Variants in ABCA13 observed in about 807,000 individuals in gnomAD.
ABCA13 encodes the protein ATP binding cassette subfamily A member 13.
A neutral mutation model predicts 478.7 loss-of-function variants in ABCA13; 476 were observed. The ratio of observed to expected loss-of-function variants is 0.99; its 90% CI spans 0.92 to 1.07. The LOEUF (loss-of-function observed/expected upper bound fraction) is 1.07. Ranked by LOEUF, ABCA13 falls within the 50% of genes least tolerant of loss-of-function variation. The probability of loss-of-function intolerance (pLI) is 0.00; values close to 1 mark genes in which losing one functional copy is unlikely to be tolerated. For synonymous variants in ABCA13, 2,252 were observed against 2,158.9 expected (o/e 1.04, Z -1.20); for missense variants, 6,060 against 5,910.6 (o/e 1.03, Z -0.83).
intron 43 of ABCA13, among the ~76,000 whole-genome samples, chr7:48,458,789 C>G (rs1163159569): frequency 6.6e-6 from 1 of 152,192 alleles, no homozygotes; most frequent in African/African-American, 2.4e-5. Context: ...CCAAACAAAC[C>G]TGGGGCTTTG....
chr7:48,373,997 A>G (rs1813062737), intron 33 of ABCA13, among the ~76,000 whole-genome samples: 1 of 152,212 alleles, frequency 6.6e-6, no homozygotes, highest in Admixed American at 6.5e-5. Context: ...GCTCCAGGGC[A>G]TTCACTTAAT....
At chr7:48,189,028 C>A (rs993228003) in intron 1 of ABCA13, among the ~76,000 whole-genome samples, 1 of 152,114 alleles carries the variant, frequency 6.6e-6, no homozygotes, top group African/African-American at 2.4e-5. Flanking sequence ...TTGTTAACTG[C>A]TAATAGGTTT....
At chr7:48,623,198 T>TATC (rs1487189975) in intron 59 of ABCA13, among the ~76,000 whole-genome samples, 2 of 152,216 alleles carry the variant, frequency 1.3e-5, no homozygotes, top group Non-Finnish European at 2.9e-5. Context: ...AAAATTTTAA[T>TATC]ATCTTTTCCA....
chr7:48,570,696 T>C (rs1787557707), intron 55 of ABCA13, among the ~76,000 whole-genome samples: 1 of 152,062 alleles, frequency 6.6e-6, no homozygotes, highest in Non-Finnish European at 1.5e-5. Flanking sequence ...TACAGTTGGA[T>C]AATTAAAAAA....
chr7:48,187,224 A>C (rs1402585537), intron 1 of ABCA13, among the ~76,000 whole-genome samples: 1 of 147,964 alleles, frequency 6.8e-6, no homozygotes, highest in African/African-American at 2.5e-5. Flanking sequence ...TTTTGAGGAT[A>C]TATTTAAGGC....
At chr7:48,285,082 G>A (rs986636799) in intron 19 of ABCA13, among the ~76,000 whole-genome samples, 11 of 152,182 alleles carry the variant, frequency 7.2e-5, no homozygotes, top group Non-Finnish European at 1.5e-4. Context: ...GCAACGGAAG[G>A]AGCCTCAGTG....
At chr7:48,476,937 G>A (rs983063307) in intron 45 of ABCA13, among the ~76,000 whole-genome samples, 1 of 152,148 alleles carries the variant, frequency 6.6e-6, no homozygotes, top group Non-Finnish European at 1.5e-5. Flanking sequence ...AAAGGGAAAG[G>A]ATAAAACATT....
intron 37 of ABCA13, 96 bp downstream of exon 37, chr7:48,389,316 T>G: frequency 2.1e-6 from 3 of 1,403,552 alleles, no homozygotes; most frequent in Non-Finnish European, 2.9e-6. Flanking sequence ...TTTCCTTTTT[T>G]TAAAATTTTG....
chr7:48,176,501 C>T (rs141318065), intron 1 of ABCA13, among the ~76,000 whole-genome samples: 2,971 of 152,206 alleles, frequency 0.02, 95 homozygotes, highest in African/African-American at 0.068. Context: ...CATAAAGCAC[C>T]GCATTCTTGA....
intron 15 of ABCA13, among the ~76,000 whole-genome samples, chr7:48,253,502 T>C (rs189733326): frequency 1.4e-4 from 22 of 152,328 alleles, no homozygotes; most frequent in Admixed American, 1.4e-3. Context: ...TTATTAGGGA[T>C]TTACCTGGTT....
At chr7:48,203,238 C>CT (rs1799097105) in intron 3 of ABCA13, among the ~76,000 whole-genome samples, 1 of 152,158 alleles carries the variant, frequency 6.6e-6, no homozygotes, top group African/African-American at 2.4e-5. Flanking sequence ...CCACGCGCAC[C>CT]GGAACTCCAG....
intron 55 of ABCA13, among the ~76,000 whole-genome samples, chr7:48,536,413 C>T (rs200161402): frequency 2.0e-5 from 3 of 152,028 alleles, no homozygotes; most frequent in Non-Finnish European, 4.4e-5. Context: ...TATGGGAGGC[C>T]GAGGTGGGAG....
Position 48,489,332 on chromosome 7 carries a change from T to C in ABCA13, c.13279T>C (p.Trp4427Arg). 6.2e-7 allele frequency: 1 copy of C among 1,602,112 alleles called. No individual in the cohort carries two copies. The highest frequency in any genetic ancestry group is 8.5e-7 in the Non-Finnish European group (1 of 1,170,246). Residue 4427 changes from tryptophan (W) to arginine (R), a missense_variant, in exon 48 of 62, where the codon TGG becomes CGG. By Grantham distance (101) the Trp-to-Arg change is moderately radical. Around this residue, in one of 3 missense-constraint regions of ABCA13, gnomAD observed 1,627 missense variants for 1,571.0 expected, o/e 1.04. Coordinates refer to ENST00000435803, the MANE Select transcript of ABCA13 (RefSeq NM_152701.5). ...LWQHLPPTVD[W>R]RQYGITLYSH... is the part of the protein sequence containing the mutation. ...GCAGCACCTACCCCCTACTGTGGAC[T>C]GGAGACAATACGGTAATGTTATTTT... is the stretch of plus-strand genomic sequence containing the variant.
intron 3 of ABCA13, among the ~76,000 whole-genome samples, chr7:48,203,001 C>A (rs956902364): frequency 5.1e-4 from 78 of 152,322 alleles, no homozygotes; most frequent in African/African-American, 1.8e-3. Flanking sequence ...GCACAGGAAC[C>A]CACGGAGGTG....
chr7:48,389,809 T>G (rs1815768772), intron 37 of ABCA13, among the ~76,000 whole-genome samples: 1 of 152,210 alleles, frequency 6.6e-6, no homozygotes, highest in Non-Finnish European at 1.5e-5. Flanking sequence ...AAGTGGAGGT[T>G]TAAGGTTAAA....
chr7:48,209,359 T>A (rs773699492), intron 3 of ABCA13, among the ~76,000 whole-genome samples: 9 of 152,276 alleles, frequency 5.9e-5, no homozygotes, highest in South Asian at 2.1e-4. Flanking sequence ...GGTTTTGGTA[T>A]CAGGGTAATA....
At chr7:48,457,441 G>A (rs1825801050) in intron 43 of ABCA13, among the ~76,000 whole-genome samples, 1 of 152,056 alleles carries the variant, frequency 6.6e-6, no homozygotes, top group Non-Finnish European at 1.5e-5. Flanking sequence ...ACTCCAGATA[G>A]CCATTCACTT....
At chr7:48,271,240 C>T (rs1021280117) in intron 16 of ABCA13, among the ~76,000 whole-genome samples, 9 of 152,180 alleles carry the variant, frequency 5.9e-5, no homozygotes, top group African/African-American at 2.2e-4. Flanking sequence ...AGTTGCTCTT[C>T]TGAGAACTCT....
intron 59 of ABCA13, among the ~76,000 whole-genome samples, chr7:48,623,671 G>C (rs1359649766): frequency 6.6e-6 from 1 of 152,170 alleles, no homozygotes; most frequent in Non-Finnish European, 1.5e-5. Context: ...AAGAAAAGCA[G>C]AGAAAAGCAA....
Sources: allele counts gnomAD v4.1 joint callset (sites outside exome capture counted in the v4.1 genomes callset), GRCh38; gene constraint gnomAD v4.1.1; regional missense constraint gnomAD v4.1.1; transcripts MANE v1.5; gene names NCBI Gene and HGNC (gene_info 2026-07-23, HGNC 2026-07-21).